The following C2orf76 variants were observed in gnomAD, a reference collection of about 807,000 sequenced individuals.
C2orf76 encodes UPF0538 protein C2orf76.
In C2orf76, 23 loss-of-function variants were observed where a neutral mutation model predicts 16.9. The ratio of observed to expected loss-of-function variants is 1.36; its 90% confidence interval spans 0.98 to 1.93. The LOEUF is 1.93. Among genes scored for constraint, C2orf76 ranks in the 30% most tolerant of loss-of-function variants. The probability of loss-of-function intolerance (pLI) is 0.00; values close to 1 mark genes in which losing one functional copy is unlikely to be tolerated. For missense variants in C2orf76, 152 were observed against 152.6 expected (o/e 1.00, Z 0.02); for synonymous variants, 48 against 52.3 (o/e 0.92, Z 0.35).
At chr2:119,354,588 A>C (rs1479562757) in intron 1 of C2orf76, among the ~76,000 whole-genome samples, 1 of 152,202 alleles carries the variant, frequency 6.6e-6, no homozygotes, top group Non-Finnish European at 1.5e-5. Context: ...GGGTTAAATA[A>C]CATTTGAAAA....
chr2:119,300,045 T>G (rs181052871), downstream of C2orf76, among the ~76,000 whole-genome samples: 1 of 152,290 alleles, frequency 6.6e-6, no homozygotes, highest in African/African-American at 2.4e-5. Context: ...GGCTGCAGGA[T>G]GGAATGGGGG....
intron 1 of C2orf76, among the ~76,000 whole-genome samples, chr2:119,349,281 G>A (rs1460718999): frequency 2.0e-5 from 3 of 152,194 alleles, no homozygotes; most frequent in Non-Finnish European, 4.4e-5. Flanking sequence ...TCAACAATAA[G>A]TTATTTTTAA....
At chr2:119,309,149 C>G (rs918978501) in intron 5 of C2orf76, among the ~76,000 whole-genome samples, 7 of 152,106 alleles carry the variant, frequency 4.6e-5, no homozygotes, top group Non-Finnish European at 2.9e-5. Context: ...AGCCTGGCAT[C>G]CCAAACTGCT....
intron 1 of C2orf76, among the ~76,000 whole-genome samples, chr2:119,363,273 A>G (rs371899822): frequency 6.6e-6 from 1 of 151,904 alleles, no homozygotes; most frequent in East Asian, 1.9e-4. Flanking sequence ...AAATACAAAA[A>G]ATTAGCCGGG....
intron 1 of C2orf76, among the ~76,000 whole-genome samples, chr2:119,353,508 T>C (rs1680468412): frequency 6.6e-6 from 1 of 151,396 alleles, no homozygotes; most frequent in East Asian, 1.9e-4. Context: ...CAATGAAATA[T>C]CAAGAGCTGG....
chr2:119,290,950 A>T, the C2orf76 span, among the ~76,000 whole-genome samples: 1 of 152,142 alleles, frequency 6.6e-6, no homozygotes, highest in Non-Finnish European at 1.5e-5. Flanking sequence ...CAGCTATCAG[A>T]CGCCAAGGCT....
At chr2:119,344,787 C>T (rs1008372745) in intron 1 of C2orf76, among the ~76,000 whole-genome samples, 14 of 152,148 alleles carry the variant, frequency 9.2e-5, no homozygotes, top group Admixed American at 4.6e-4. Flanking sequence ...CAAAATCAAG[C>T]CACGGTAATA....
the C2orf76 span, among the ~76,000 whole-genome samples, chr2:119,281,220 C>G: frequency 1.3e-5 from 2 of 152,126 alleles, no homozygotes; most frequent in Non-Finnish European, 2.9e-5. Flanking sequence ...TTTCATCACC[C>G]GGGTATTAAG....
chr2:119,334,051 C>T (rs1330388341), intron 2 of C2orf76, among the ~76,000 whole-genome samples: 1 of 152,028 alleles, frequency 6.6e-6, no homozygotes, highest in Non-Finnish European at 1.5e-5. Flanking sequence ...CCTCCACCTT[C>T]CAAAGTGTTG....
At chr2:119,293,033 TCAAAACAAAA>T in the C2orf76 span, among the ~76,000 whole-genome samples, 2 of 152,110 alleles carry the variant, frequency 1.3e-5, no homozygotes, top group Non-Finnish European at 2.9e-5. Flanking sequence ...AGACTCTGTC[TCAAAACAAAA>T]CAAAACAAAA....
At chr2:119,353,461 G>A (rs1680466635) in intron 1 of C2orf76, among the ~76,000 whole-genome samples, 1 of 151,708 alleles carries the variant, frequency 6.6e-6, no homozygotes, top group Non-Finnish European at 1.5e-5. Flanking sequence ...CTCTTGGATG[G>A]AGAACGAAAT....
chr2:119,302,010 C>T (rs1242265226), downstream of C2orf76, among the ~76,000 whole-genome samples: 2 of 151,554 alleles, frequency 1.3e-5, no homozygotes, highest in Non-Finnish European at 2.9e-5. Context: ...TATCACACAC[C>T]CTGAACTAAA....
intron 2 of C2orf76, among the ~76,000 whole-genome samples, chr2:119,322,771 T>C (rs991554426): frequency 7.2e-5 from 11 of 151,828 alleles, no homozygotes; most frequent in Non-Finnish European, 1.5e-4. Flanking sequence ...TGAGAGAACA[T>C]TATTTTTAGG....
chr2:119,355,541 G>A (rs1680544214), intron 1 of C2orf76, among the ~76,000 whole-genome samples: 1 of 152,152 alleles, frequency 6.6e-6, no homozygotes, highest in Admixed American at 6.5e-5. Context: ...TAGCAACTGA[G>A]CTACTCTGAT....
the C2orf76 span, among the ~76,000 whole-genome samples, chr2:119,294,816 G>C: frequency 1.3e-5 from 2 of 152,200 alleles, no homozygotes; most frequent in South Asian, 4.1e-4. Flanking sequence ...ACAGCTAGCT[G>C]TTCAGGTGCA....
chr2:119,355,446 G>A (rs973450845), intron 1 of C2orf76, among the ~76,000 whole-genome samples: 2 of 152,168 alleles, frequency 1.3e-5, no homozygotes, highest in Non-Finnish European at 2.9e-5. Flanking sequence ...AGGCTGGGCA[G>A]GTTTGCTTGC....
At chr2:119,324,340 C>T (rs527991958) in intron 2 of C2orf76, among the ~76,000 whole-genome samples, 3 of 152,294 alleles carry the variant, frequency 2.0e-5, no homozygotes, top group Admixed American at 2.0e-4. Context: ...CCTTCTAAAG[C>T]GGGGGTCTTC....
At chr2:119,305,296 G>GAC (rs149520597) in intron 5 of C2orf76, among the ~76,000 whole-genome samples, 4,831 of 150,596 alleles carry the variant, frequency 0.032, 89 homozygotes, top group South Asian at 0.082. Flanking sequence ...AGACAGACAA[G>GAC]ACACACACAC....
At chr2:119,347,693 G>A (rs762074585) in intron 1 of C2orf76, among the ~76,000 whole-genome samples, 3 of 151,526 alleles carry the variant, frequency 2.0e-5, no homozygotes, top group South Asian at 2.1e-4. Flanking sequence ...GCAACATATC[G>A]AGACCTCATC....
Sources: allele counts gnomAD v4.1 joint callset (sites outside exome capture counted in the v4.1 genomes callset), GRCh38; gene constraint gnomAD v4.1.1; transcripts MANE v1.5; gene names NCBI Gene and HGNC (gene_info 2026-07-23, HGNC 2026-07-21).